The following BCKDHB variants were observed in gnomAD, a reference collection of about 807,000 sequenced individuals.
The protein encoded by BCKDHB is 2-oxoisovalerate dehydrogenase subunit beta, mitochondrial.
Under a neutral mutation model 48.5 loss-of-function variants are expected in BCKDHB, and 41 were observed. That is an observed-to-expected ratio of 0.85 (90% CI 0.66 to 1.10). The LOEUF (loss-of-function observed/expected upper bound fraction) is 1.10. BCKDHB is among the 50% of genes least tolerant of loss of function. The pLI is 0.00. For missense variants in BCKDHB, 496 were observed against 494.2 expected (o/e 1.00, Z -0.03); for synonymous variants, 201 against 174.8 (o/e 1.15, Z -1.18).
intron 1 of BCKDHB, among the ~76,000 whole-genome samples, chr6:80,118,671 C>A (rs1769837217): frequency 6.6e-6 from 1 of 152,174 alleles, no homozygotes; most frequent in African/African-American, 2.4e-5. Flanking sequence ...CCAAACCCTG[C>A]CACTTCTTTA....
chr6:80,271,836 T>A (rs1284414294), intron 8 of BCKDHB, among the ~76,000 whole-genome samples: 2 of 121,970 alleles, frequency 1.6e-5, no homozygotes, highest in African/African-American at 3.0e-5. Context: ...AAAAGAATGA[T>A]CTGATTGTCA....
At position 80,334,712 on chromosome 6, in the gene BCKDHB, T is replaced by C. The variant is rs922069867; in HGVS notation, c.1039-8952T>C. Among the ~76,000 whole-genome samples the C allele has an allele frequency of 2.0e-4, 30 of 151,688 alleles. 2 individuals are homozygous for C. The highest frequency in any genetic ancestry group is 1.5e-5 in the Non-Finnish European group (1 of 67,828). ...TGGCATTGTGTAGATAAAAATAGATTCCCCCCTCCCCCTTTTCTTGTCTTT... is the reference window on the plus strand; with the variant it reads ...TGGCATTGTGTAGATAAAAATAGATCCCCCCCTCCCCCTTTTCTTGTCTTT... On this transcript the variant is annotated intron_variant, in intron 9 of 9. Transcript: ENST00000320393.
chr6:80,183,348 TTG>T (rs1234285982), intron 6 of BCKDHB, among the ~76,000 whole-genome samples: 1 of 152,154 alleles, frequency 6.6e-6, no homozygotes, highest in African/African-American at 2.4e-5. Flanking sequence ...CAGGAAATAT[TTG>T]TCAGACATTT....
chr6:80,110,804 C>A (rs933356972), intron 1 of BCKDHB, among the ~76,000 whole-genome samples: 1 of 152,154 alleles, frequency 6.6e-6, no homozygotes, highest in African/African-American at 2.4e-5. Flanking sequence ...TCCTTGCTTC[C>A]AGCTTAATTG....
intron 4 of BCKDHB, 73 bp from the exon 5 acceptor site, chr6:80,168,802 G>GGAGGGAGGGAGA: frequency 6.4e-7 from 1 of 1,562,312 alleles, no homozygotes; most frequent in Non-Finnish European, 8.8e-7. Flanking sequence ...AGGGAGGGAG[G>GGAGGGAGGGAGA]GAGGAAGAAC....
rs369627571 is a variant in BCKDHB at position 80,200,991 on chromosome 6, A to G, written c.800A>G (p.Gln267Arg). Reference protein sequence around the residue: ...NIPLSQAEVIQEGSDVTLVAW... With the variant: ...NIPLSQAEVIREGSDVTLVAW... Reference sequence around the variant, plus strand: ...CCACTGTCCCAGGCCGAAGTCATACAGGAAGGGAGTGATGTTACTCTAGTT... The same window carrying G: ...CCACTGTCCCAGGCCGAAGTCATACGGGAAGGGAGTGATGTTACTCTAGTT... The change falls in exon 7 of 10, where the codon CAG (glutamine) becomes CGG (arginine). Residue 267 changes from glutamine to arginine, a missense_variant. Gln to Arg is a conservative substitution (Grantham distance 43). Transcript: ENST00000320393. The G allele has an allele frequency of 2.5e-6, 4 of 1,613,120 alleles. No homozygotes were observed. Among genetic ancestry groups the G allele is most frequent in the Non-Finnish European group, 3.4e-6 (4 of 1,179,250 alleles).
chr6:80,428,023 A>G, the BCKDHB span, among the ~76,000 whole-genome samples: 36 of 148,730 alleles, frequency 2.4e-4, no homozygotes, highest in Non-Finnish European at 4.6e-4. Context: ...CCCTCCCCTA[A>G]CCCCCCACCC....
chr6:80,461,133 C>CT, the BCKDHB span, among the ~76,000 whole-genome samples: 1 of 152,152 alleles, frequency 6.6e-6, no homozygotes, highest in Non-Finnish European at 1.5e-5. Context: ...ATCAAAATCT[C>CT]TATTTCCAAC....
intron 3 of BCKDHB, among the ~76,000 whole-genome samples, chr6:80,133,427 A>G (rs72908809): frequency 0.073 from 11,058 of 152,238 alleles, 488 homozygotes; most frequent in South Asian, 0.099. Flanking sequence ...GATAGAACAA[A>G]ATAGTATGAG....
chr6:80,353,618 G>T, the BCKDHB span, among the ~76,000 whole-genome samples: 1 of 152,120 alleles, frequency 6.6e-6, no homozygotes, highest in Non-Finnish European at 1.5e-5. Flanking sequence ...ACTTTGGGAG[G>T]CTGAGGTGGG....
chr6:80,192,598 G>A (rs1158274245), intron 6 of BCKDHB, among the ~76,000 whole-genome samples: 1 of 152,094 alleles, frequency 6.6e-6, no homozygotes, highest in Non-Finnish European at 1.5e-5. Flanking sequence ...AACCCTAAGG[G>A]TAATTGCAAA....
rs145940303 is a variant in BCKDHB, at chr6:80,338,620, A to G, written c.1039-5044A>G. 5.1e-3 allele frequency among the ~76,000 whole-genome samples: 784 copies of G among 152,308 alleles called. 3 individuals carry two copies. The highest frequency in any genetic ancestry group is 0.017 in the African/African-American group (722 of 41,578). On this transcript the variant is annotated intron_variant, in intron 9 of 9. Coordinates refer to ENST00000320393, the MANE Select transcript of BCKDHB (RefSeq NM_183050.4). Reference sequence around the variant, plus strand: ...TTAGGCATTGTGCTATACGGATGCTACTTTTCAGGTTTGACCGTTCTGTGT... The same window carrying G: ...TTAGGCATTGTGCTATACGGATGCTGCTTTTCAGGTTTGACCGTTCTGTGT...
intron 1 of BCKDHB, among the ~76,000 whole-genome samples, chr6:80,124,729 A>G (rs1238923417): frequency 6.6e-6 from 1 of 152,178 alleles, no homozygotes; most frequent in Non-Finnish European, 1.5e-5. Flanking sequence ...GCGCATTGTC[A>G]ATGAGCAGTA....
At chr6:80,393,796 G>T in the BCKDHB span, among the ~76,000 whole-genome samples, 2 of 152,056 alleles carry the variant, frequency 1.3e-5, no homozygotes, top group East Asian at 1.9e-4. Flanking sequence ...TATTTCCTAC[G>T]TTGAACCACT....
intron 8 of BCKDHB, among the ~76,000 whole-genome samples, chr6:80,209,396 TGAA>T (rs1774819214): frequency 1.3e-5 from 2 of 152,040 alleles, no homozygotes; most frequent in African/African-American, 4.8e-5. Context: ...AGAGCAATCT[TGAA>T]GAAGAACAAA....
At chr6:80,408,803 C>CAA in the BCKDHB span, among the ~76,000 whole-genome samples, 1 of 140,282 alleles carries the variant, frequency 7.1e-6, no homozygotes, top group African/African-American at 2.6e-5. Flanking sequence ...TTTTTTTTTT[C>CAA]AAAAAAAAAA....
At chr6:80,402,258 C>T in the BCKDHB span, among the ~76,000 whole-genome samples, 1 of 151,788 alleles carries the variant, frequency 6.6e-6, no homozygotes, top group Non-Finnish European at 1.5e-5. Context: ...TTCCCTTTTT[C>T]CACATCCTCA....
At chr6:80,136,181 A>C (rs1407080489) in intron 3 of BCKDHB, among the ~76,000 whole-genome samples, 1 of 152,158 alleles carries the variant, frequency 6.6e-6, no homozygotes, top group African/African-American at 2.4e-5. Flanking sequence ...AGAAGAACAA[A>C]GTTGGAGGAC....
chr6:80,452,081 T>C, the BCKDHB span, among the ~76,000 whole-genome samples: 4 of 152,192 alleles, frequency 2.6e-5, no homozygotes, highest in East Asian at 7.7e-4. Flanking sequence ...AACCCCAGGT[T>C]GCTGGAGTGG....
Sources: allele counts gnomAD v4.1 joint callset (sites outside exome capture counted in the v4.1 genomes callset), GRCh38; gene constraint gnomAD v4.1.1; transcripts MANE v1.5; gene names NCBI Gene and HGNC (gene_info 2026-07-23, HGNC 2026-07-21).